The following MCTP1 variants were observed in gnomAD, a reference collection of about 807,000 sequenced individuals.
MCTP1 encodes multiple C2 and transmembrane domain-containing protein 1.
In MCTP1, 69 loss-of-function variants were observed where a neutral mutation model predicts 120.6. That is an observed-to-expected ratio of 0.57 (90% CI 0.47 to 0.70). MCTP1 has a LOEUF of 0.70. Among genes scored for constraint, MCTP1 ranks in the 30% least tolerant of loss-of-function variants. The pLI is 0.00. For missense variants in MCTP1, 1,203 were observed against 1,248.8 expected, an observed-to-expected ratio of 0.96 and a Z score of 0.55; for synonymous variants, 529 against 493.1, an observed-to-expected ratio of 1.07 and a Z score of -0.96.
chr5:95,148,347 T>A (rs1446762506), intron 1 of MCTP1, among the ~76,000 whole-genome samples: 1 of 152,236 alleles, frequency 6.6e-6, no homozygotes, highest in Non-Finnish European at 1.5e-5. Flanking sequence ...CAATGAGTCA[T>A]AGATTTGGTC....
chr5:94,940,350 A>C (rs1244255379), intron 4 of MCTP1, among the ~76,000 whole-genome samples, 155 bp from the exon 5 acceptor site: 2 of 151,408 alleles, frequency 1.3e-5, no homozygotes, highest in African/African-American at 4.8e-5. Context: ...CAGTGTATTA[A>C]GTTATCCAAT....
chr5:94,908,476 T>G (rs536595873), intron 10 of MCTP1, among the ~76,000 whole-genome samples: 4 of 152,066 alleles, frequency 2.6e-5, no homozygotes, highest in Admixed American at 6.5e-5. Context: ...TCAAGCTGTA[T>G]GTTTAAAGAC....
chr5:94,844,092 C>T (rs975926668), intron 17 of MCTP1, among the ~76,000 whole-genome samples: 1 of 151,928 alleles, frequency 6.6e-6, no homozygotes, highest in African/African-American at 2.4e-5. Flanking sequence ...CACCTGCGGT[C>T]AGGAGTTCTT....
intron 19 of MCTP1, among the ~76,000 whole-genome samples, chr5:94,727,661 C>G (rs945252708): frequency 6.6e-6 from 1 of 152,136 alleles, no homozygotes; most frequent in Admixed American, 6.5e-5. Context: ...AAGAACAAAT[C>G]AGGATAAAAG....
At chr5:94,770,956 C>T (rs1180845409) in intron 19 of MCTP1, among the ~76,000 whole-genome samples, 2 of 152,098 alleles carry the variant, frequency 1.3e-5, no homozygotes, top group African/African-American at 4.8e-5. Flanking sequence ...GTTTCCAGCA[C>T]TTATTGACAT....
chr5:95,068,744 A>C, intron 1 of MCTP1: 1 of 1,211,350 alleles, frequency 8.3e-7, no homozygotes, highest in South Asian at 1.4e-5. Context: ...TTAAACACCG[A>C]GCTAACACAC....
intron 1 of MCTP1, among the ~76,000 whole-genome samples, chr5:95,134,220 A>G (rs1319497792): frequency 6.6e-6 from 1 of 152,160 alleles, no homozygotes; most frequent in Non-Finnish European, 1.5e-5. Flanking sequence ...TAGTATGTTT[A>G]TGATTTTTGA....
At chr5:94,833,721 T>A (rs1789071931) in intron 17 of MCTP1, among the ~76,000 whole-genome samples, 1 of 152,220 alleles carries the variant, frequency 6.6e-6, no homozygotes, top group Non-Finnish European at 1.5e-5. Flanking sequence ...GTTAAATGTA[T>A]TAATATCTTG....
At chr5:94,958,050 GA>G (rs2153549082) in intron 2 of MCTP1, among the ~76,000 whole-genome samples, 1 of 152,246 alleles carries the variant, frequency 6.6e-6, no homozygotes, top group East Asian at 1.9e-4. Flanking sequence ...CAAAAGAACA[GA>G]AATTATAACA....
chr5:94,972,265 C>A (rs1311283634), intron 2 of MCTP1, among the ~76,000 whole-genome samples: 1 of 152,120 alleles, frequency 6.6e-6, no homozygotes, highest in Non-Finnish European at 1.5e-5. Flanking sequence ...AGATTTTGCA[C>A]AAACAGGAGT....
intron 1 of MCTP1, among the ~76,000 whole-genome samples, chr5:95,094,024 C>A (rs1168717534): frequency 6.6e-6 from 1 of 152,214 alleles, no homozygotes; most frequent in Non-Finnish European, 1.5e-5. Context: ...TTGAACAAAT[C>A]TTGAGCATGG....
At chr5:95,117,513 C>G (rs577434480) in intron 1 of MCTP1, among the ~76,000 whole-genome samples, 8 of 149,134 alleles carry the variant, frequency 5.4e-5, no homozygotes, top group African/African-American at 1.7e-4. Context: ...AGTCAAGAAA[C>G]AACATGTTGG....
chr5:94,792,462 C>A (rs1779187668), intron 18 of MCTP1: 1 of 152,296 alleles, frequency 6.6e-6, no homozygotes, highest in South Asian at 2.1e-4. Context: ...GCAGGGAACA[C>A]AGGCCTGTGA....
chr5:95,105,993 T>G (rs1371401214), intron 1 of MCTP1, among the ~76,000 whole-genome samples: 1 of 152,154 alleles, frequency 6.6e-6, no homozygotes, highest in Admixed American at 6.5e-5. Flanking sequence ...GGACCAAAGA[T>G]CCCAAGGAAA....
rs187488992 is a variant in MCTP1, at chr5:95,092,440, C to T, written c.721-74956G>A. Among the ~76,000 whole-genome samples the T allele has an allele frequency of 9.9e-5, 15 of 152,234 alleles. No individual in the cohort carries two copies. In the East Asian group the frequency reaches 2.5e-3, roughly 25 times the overall value. ...TACGTTCTAGTATTCTGTAGTACTACGTTCTAGTATTCTGTAGTACTACAG... is the reference window on the plus strand; with the variant it reads ...TACGTTCTAGTATTCTGTAGTACTATGTTCTAGTATTCTGTAGTACTACAG... On this transcript the variant is annotated intron_variant, in intron 1 of 22. Coordinates refer to ENST00000515393, the MANE Select transcript of MCTP1 (RefSeq NM_024717.7).
chr5:95,108,359 C>T lies in MCTP1; in HGVS notation c.721-90875G>A, dbSNP rs138284336. On this transcript the variant is annotated intron_variant, in intron 1 of 22. Transcript: ENST00000515393. ...TCAGGGCAGCTCCTTCCTGCTGGGT[C>T]CTAGACCTTGACACATCTTATTCAC... Among the ~76,000 whole-genome samples, 634 of 151,862 alleles carry T rather than the reference C, an allele frequency of 4.2e-3. 2 individuals carry two copies. Among genetic ancestry groups the T allele is most frequent in the Middle Eastern group, 0.01 (3 of 292 alleles).
intron 1 of MCTP1, among the ~76,000 whole-genome samples, chr5:95,172,572 CT>C (rs1250872544): frequency 6.9e-6 from 1 of 144,550 alleles, no homozygotes; most frequent in Admixed American, 7.2e-5. Flanking sequence ...TGAATTATTA[CT>C]TTCTTCATAT....
intron 1 of MCTP1, among the ~76,000 whole-genome samples, chr5:95,227,763 C>G (rs1754451044): frequency 6.6e-6 from 1 of 151,906 alleles, no homozygotes; most frequent in African/African-American, 2.4e-5. Context: ...AGGTCATTAC[C>G]TTATATTAAC....
chr5:95,000,267 TAAC>T (rs977299174), intron 2 of MCTP1, among the ~76,000 whole-genome samples: 3 of 152,222 alleles, frequency 2.0e-5, no homozygotes, highest in Non-Finnish European at 4.4e-5. Context: ...TTGAAAATGA[TAAC>T]AACTAGGTTA....
Sources: allele counts gnomAD v4.1 joint callset (sites outside exome capture counted in the v4.1 genomes callset), GRCh38; gene constraint gnomAD v4.1.1; transcripts MANE v1.5; gene names NCBI Gene and HGNC (gene_info 2026-07-23, HGNC 2026-07-21).